Variants in PIGC observed in about 807,000 individuals in gnomAD.
PIGC encodes phosphatidylinositol glycan anchor biosynthesis class C, also known as phosphatidylinositol N-acetylglucosaminyltransferase subunit C.
In PIGC, 14 loss-of-function variants were observed where a neutral mutation model predicts 20.9. The observed-to-expected ratio is 0.67, with a 90% CI of 0.44 to 1.05. The LOEUF (loss-of-function observed/expected upper bound fraction) is 1.05. Ranked by LOEUF, PIGC falls within the 50% of genes least tolerant of loss-of-function variation. PIGC has a pLI of 0.00. For missense variants in PIGC, 310 were observed against 360.9 expected (o/e 0.86, Z 1.14); for synonymous variants, 132 against 141.4 (o/e 0.93, Z 0.47).
rs766259779 is a variant in PIGC, at chr1:172,442,635, C to G, written c.-13G>C. ...GTTGAGCATACATTATCCTTTCATT[C>G]AAACTCAGGCCAGTTTAATCATCGC... On this transcript the variant is annotated 5_prime_UTR_variant, in exon 2 of 2. Coordinates refer to ENST00000344529, the MANE Select transcript of PIGC (RefSeq NM_153747.2). The G allele has an allele frequency of 3.2e-5, 51 of 1,598,364 alleles. No homozygotes were observed. Among genetic ancestry groups the G allele is most frequent in the Non-Finnish European group, 4.2e-5 (49 of 1,167,246 alleles).
In PIGC at chr1:172,442,323, A is replaced by T; in HGVS notation, c.300T>A (p.Phe100Leu). The change falls in exon 2 of 2, where the codon TTT becomes TTA. Residue 100 changes from phenylalanine (F) to leucine (L), a missense_variant. Coordinates refer to ENST00000344529, the MANE Select transcript of PIGC (RefSeq NM_153747.2). ...GCCCTTCACCTCCATCAATGAGATC[A>T]AACAAAACATACCCAATCAGTGAAG... is the stretch of plus-strand genomic sequence containing the variant. ...LASSLIGYVL[F>L]DLIDGGEGRK... 1 of 1,613,330 alleles carries T rather than the reference A, an allele frequency of 6.2e-7. No homozygotes were observed. Among genetic ancestry groups the T allele is most frequent in the Non-Finnish European group, 8.5e-7 (1 of 1,180,022 alleles).
At chr1:172,443,269 T>C (rs1342401757) in intron 1 of PIGC, 1 of 167,204 alleles carries the variant, frequency 6.0e-6, no homozygotes, top group African/African-American at 2.4e-5. Flanking sequence ...ACATATCCCT[T>C]AGGTATATCA....
rs1647681143 is a variant in PIGC at position 172,444,068 on chromosome 1, G to C, written c.-289C>G. ...GCTTCGGGGCGCCGGGGCTGCGACTGTGGCCAAGCACTTCCGGGTCCGCCG... is the reference window on the plus strand; with the variant it reads ...GCTTCGGGGCGCCGGGGCTGCGACTCTGGCCAAGCACTTCCGGGTCCGCCG... On this transcript the variant is annotated 5_prime_UTR_variant, in exon 1 of 2. Coordinates refer to ENST00000344529, the MANE Select transcript of PIGC (RefSeq NM_153747.2). 1 of 998,712 alleles carries C rather than the reference G, an allele frequency of 1.0e-6. No individual in the cohort carries two copies. Among genetic ancestry groups the C allele is most frequent in the Non-Finnish European group, 1.2e-6 (1 of 830,230 alleles). 61.9% of individuals were successfully genotyped at this position (998,712 alleles called of 1,614,324 possible).
chr1:172,442,615 G>A lies in PIGC; in HGVS notation c.8C>T (p.Ala3Val), dbSNP rs773913585. The A allele has an allele frequency of 6.2e-7, 1 of 1,611,022 alleles. No homozygotes were observed. Among genetic ancestry groups the A allele is most frequent in the East Asian group, 2.2e-5 (1 of 44,780 alleles). Residue 3 changes from alanine to valine, a missense_variant, in exon 2 of 2, where the codon GCT (alanine) becomes GTT (valine). By Grantham distance (64) the Ala-to-Val change is moderately conservative. Coordinates refer to ENST00000344529, the MANE Select transcript of PIGC (RefSeq NM_153747.2). Reference protein sequence around the residue: MYAQPVTNTKEVK... With the variant: MYVQPVTNTKEVK... ...CTCCTTGGTGTTAGTCACAGGTTGA[G>A]CATACATTATCCTTTCATTCAAACT...
Position 172,441,836 on chromosome 1 carries a change from A to ATTC in PIGC, c.786_787insGAA (p.Ser262_Cys263insGlu). The ATTC allele has an allele frequency of 6.2e-7, 1 of 1,614,012 alleles. No homozygotes were observed. Among genetic ancestry groups the ATTC allele is most frequent in the Non-Finnish European group, 8.5e-7 (1 of 1,179,968 alleles). ...CGAATGAGGTAGAATGGACACAGAC[A>ATTC]TGAGATAGACATCAGCAGAAGGGCA... On this transcript the variant is annotated inframe_insertion, in exon 2 of 2. Coordinates refer to ENST00000344529, the MANE Select transcript of PIGC (RefSeq NM_153747.2).
Position 172,442,741 on chromosome 1 carries a change from G to A in PIGC, c.-119C>T. 1.2e-6 allele frequency: 1 copy of A among 862,056 alleles called. No homozygotes were observed. Among genetic ancestry groups the A allele is most frequent in the Non-Finnish European group, 1.9e-6 (1 of 534,446 alleles). 53.4% of individuals were successfully genotyped at this position (862,056 alleles called of 1,614,324 possible). A position where few individuals can be genotyped will look rare whatever the true frequency, so the allele number is the denominator to read the frequency against. ...CCTGGAAATTCCATGCTGTGTTGAT[G>A]TTCTACCAACCTTTCCTTGTTTTCA... On this transcript the variant is annotated 5_prime_UTR_variant, in exon 2 of 2. Transcript: ENST00000344529.
At chr1:172,443,540 G>A (rs557822823) in intron 1 of PIGC, 4 of 167,122 alleles carry the variant, frequency 2.4e-5, no homozygotes, top group African/African-American at 9.6e-5. Flanking sequence ...CTCTTGAGAG[G>A]ATCGAAGAAG....
Position 172,441,971 on chromosome 1 carries a change from T to G in PIGC, c.652A>C (p.Lys218Gln). Residue 218 changes from lysine (K) to glutamine (Q), a missense_variant, in exon 2 of 2, where the codon AAG (lysine) becomes CAG (glutamine). Lys to Gln is a moderately conservative substitution (Grantham distance 53, BLOSUM62 1). Transcript: ENST00000344529. ...QIFALWPMLQ[K>Q]KLKACTPRSY... ...CGGGGAGTACATGCCTTTAGTTTCT[T>G]CTGCAACATGGGCCACAGGGCAAAA... The G allele has an allele frequency of 6.2e-7, 1 of 1,614,206 alleles. No homozygotes were observed. The highest frequency in any genetic ancestry group is 2.2e-5 in the East Asian group (1 of 44,878).
chr1:172,442,679 G>A lies in PIGC; in HGVS notation c.-57C>T, dbSNP rs972867628. On this transcript the variant is annotated 5_prime_UTR_variant, in exon 2 of 2. Coordinates refer to ENST00000344529, the MANE Select transcript of PIGC (RefSeq NM_153747.2). ...TCATCGCCCTCACAGAAGTCCAGGT[G>A]GTTCTTGTTCTTTATGAAGTTTTGA... 24 of 1,460,212 alleles carry A rather than the reference G, an allele frequency of 1.6e-5. No individual in the cohort carries two copies. In the South Asian group the frequency reaches 2.1e-4, roughly 13 times the overall value. 90.5% of individuals were successfully genotyped at this position (1,460,212 alleles called of 1,614,324 possible).
chr1:172,444,014 G>C lies in PIGC; in HGVS notation c.-235C>G, dbSNP rs78565583. 63 of 1,000,170 alleles carry C rather than the reference G, an allele frequency of 6.3e-5. No individual in the cohort carries two copies. In the East Asian group the frequency reaches 6.2e-3, roughly 99 times the overall value. 62.0% of individuals were successfully genotyped at this position (1,000,170 alleles called of 1,614,324 possible). On this transcript the variant is annotated 5_prime_UTR_variant, in exon 1 of 2. Coordinates refer to ENST00000344529, the MANE Select transcript of PIGC (RefSeq NM_153747.2). The stretch of plus-strand genomic sequence containing the variant: ...CGAGAGTTCCTAGGGTTGCGCAGCT[G>C]GGGGACGGCGGCACCCAGCCTTTTT...
In PIGC at chr1:172,441,674, C is replaced by T. The variant is rs202159408; in HGVS notation, c.*55G>A. On this transcript the variant is annotated 3_prime_UTR_variant, in exon 2 of 2. Transcript: ENST00000344529. ...TGGAACTCTGTCTTTAAGTTCTATACTAGTTAGGAGGCTAATCTATCAGCT... is the reference window on the plus strand; with the variant it reads ...TGGAACTCTGTCTTTAAGTTCTATATTAGTTAGGAGGCTAATCTATCAGCT... 1,907 of 1,383,114 alleles carry T rather than the reference C, an allele frequency of 1.4e-3. 45 individuals carry two copies. The South Asian group carries it at 0.026, about 19-fold the overall frequency. The allele number at this position is 1,383,114 out of a possible 1,614,324, so 85.7% of individuals were successfully genotyped here.
chr1:172,441,758 T>G lies in PIGC; in HGVS notation c.865A>C (p.Lys289Gln), dbSNP rs777363797. 9 of 1,565,180 alleles carry G rather than the reference T, an allele frequency of 5.8e-6. No homozygotes were observed. The Admixed American group carries it at 1.6e-4, about 27-fold the overall frequency. Residue 289 changes from lysine (K) to glutamine (Q), a missense_variant, in exon 2 of 2, where the codon AAG (lysine) becomes CAG (glutamine). Coordinates refer to ENST00000344529, the MANE Select transcript of PIGC (RefSeq NM_153747.2). ...IHGPWDEAEI[K>Q]EDLSRFLS ...CTGAGGAACCTGGACAAGTCTTCCT[T>G]GATTTCAGCTTCATCCCAAGGCCCA...
At chr1:172,443,898 C>A in intron 1 of PIGC, 90 bp downstream of exon 1, 1 of 948,886 alleles carries the variant, frequency 1.1e-6, no homozygotes, top group African/African-American at 1.8e-5. Flanking sequence ...CCCACTTCCG[C>A]CGCCGCCCCT....
Position 172,442,227 on chromosome 1 carries a change from C to A in PIGC, c.396G>T (p.Gly132=), listed in dbSNP as rs1443219461. The A allele has an allele frequency of 1.2e-6, 2 of 1,613,816 alleles. No homozygotes were observed. The highest frequency in any genetic ancestry group is 2.7e-5 in the African/African-American group (2 of 74,914). ...SALVFITFTY[G]FSPVLKTLTE... ...TAAGGGTCTTCAGCACTGGTGAAAA[C>A]CCATAAGTGAAAGTAATGAAGACTA... is the stretch of plus-strand genomic sequence containing the variant. The change falls in exon 2 of 2, where the codon GGG becomes GGT. Residue 132 remains glycine, a synonymous_variant. Coordinates refer to ENST00000344529, the MANE Select transcript of PIGC (RefSeq NM_153747.2).
chr1:172,442,493 G>A lies in PIGC; in HGVS notation c.130C>T (p.Arg44Trp), dbSNP rs780133751. ...ACCACAGCCCAATATTGGTATTTCC[G>A]AGCATGGATGTTTTTCCGGAGCTCT... ...LEELRKNIHARKYQYWAVVFE... is the reference protein window; with the variant it reads ...LEELRKNIHAWKYQYWAVVFE... The change falls in exon 2 of 2, where the codon CGG becomes TGG. Residue 44 changes from arginine (R) to tryptophan (W), a missense_variant. Transcript: ENST00000344529. 18 of 1,614,156 alleles carry A rather than the reference G, an allele frequency of 1.1e-5. No individual in the cohort carries two copies. The East Asian group carries it at 2.7e-4, about 24-fold the overall frequency.
chr1:172,441,869 C>G lies in PIGC; in HGVS notation c.754G>C (p.Val252Leu). Residue 252 changes from valine (V) to leucine (L), a missense_variant, in exon 2 of 2, where the codon GTA becomes CTA. Physicochemically the swap from Val to Leu is conservative, Grantham distance 32. Transcript: ENST00000344529. Reference protein sequence around the residue: ...GLLSISAVGAVLFALLLMSIS... With the variant: ...GLLSISAVGALLFALLLMSIS... ...GACATCAGCAGAAGGGCAAAGAGTA[C>G]GGCTCCCACAGCACTAATGGACAGT... 6.2e-7 allele frequency: 1 copy of G among 1,614,050 alleles called. No individual in the cohort carries two copies. The highest frequency in any genetic ancestry group is 1.1e-5 in the South Asian group (1 of 91,078).
chr1:172,441,726 A>C lies in PIGC; in HGVS notation c.*3T>G, dbSNP rs1338775434. 2 of 1,534,918 alleles carry C rather than the reference A, an allele frequency of 1.3e-6. No individual in the cohort carries two copies. The highest frequency in any genetic ancestry group is 1.7e-6 in the Non-Finnish European group (2 of 1,143,316). Reference sequence around the variant, plus strand: ...GCTTTAATAATGTAATGGATGTCCTAATTTAACTGAGGAACCTGGACAAGT... The same window carrying C: ...GCTTTAATAATGTAATGGATGTCCTCATTTAACTGAGGAACCTGGACAAGT... On this transcript the variant is annotated 3_prime_UTR_variant, in exon 2 of 2. Coordinates refer to ENST00000344529, the MANE Select transcript of PIGC (RefSeq NM_153747.2).
At position 172,442,750 on chromosome 1, in the gene PIGC, A is replaced by T; in HGVS notation, c.-128T>A. The T allele has an allele frequency of 2.5e-6, 2 of 813,782 alleles. No homozygotes were observed. The highest frequency in any genetic ancestry group is 4.0e-6 in the Non-Finnish European group (2 of 495,928). The allele number at this position is 813,782 out of a possible 1,614,324, so 50.4% of individuals were successfully genotyped here. On this transcript the variant is annotated 5_prime_UTR_variant, in exon 2 of 2. The change creates a new upstream start codon in the 5' untranslated region. Coordinates refer to ENST00000344529, the MANE Select transcript of PIGC (RefSeq NM_153747.2). ...TCCATGCTGTGTTGATGTTCTACCA[A>T]CCTTTCCTTGTTTTCAAAGGCAGGG...
Position 172,441,772 on chromosome 1 carries a change from T to A in PIGC, c.851A>T (p.Asp284Val). The A allele has an allele frequency of 1.3e-6, 2 of 1,591,350 alleles. No individual in the cohort carries two copies. Among genetic ancestry groups the A allele is most frequent in the Non-Finnish European group, 8.6e-7 (1 of 1,168,908 alleles). ...CAAGTCTTCCTTGATTTCAGCTTCA[T>A]CCCAAGGCCCATGAATGTTTTCTTT... ...LFKENIHGPW[D>V]EAEIKEDLSR... The change falls in exon 2 of 2, where the codon GAT (aspartate) becomes GTT (valine). Residue 284 changes from aspartate (D) to valine (V), a missense_variant. Asp to Val is a radical substitution (Grantham distance 152). Transcript: ENST00000344529.
Sources: gnomAD v4.1 joint callset for allele counts on GRCh38, gnomAD v4.1.1 for gene constraint, MANE v1.5 for transcripts, NCBI Gene and HGNC (gene_info 2026-07-23, HGNC 2026-07-21) for gene names.